M1AP: variants seen among roughly 807,000 people sequenced by gnomAD.
M1AP encodes meiosis 1 associated protein.
A neutral mutation model predicts 51.2 loss-of-function variants in M1AP; 39 were observed. That is an observed-to-expected ratio of 0.76 (90% CI 0.59 to 1.00). The LOEUF (loss-of-function observed/expected upper bound fraction) is 1.00. Ranked by LOEUF, M1AP falls within the 50% of genes least tolerant of loss-of-function variation. The probability of loss-of-function intolerance (pLI) is 0.00; values close to 1 mark genes in which losing one functional copy is unlikely to be tolerated. For missense variants in M1AP, 545 were observed against 641.2 expected (o/e 0.85, Z 1.62); for synonymous variants, 251 against 249.2 (o/e 1.01, Z -0.07).
At chr2:74,646,716 A>T (rs1416138313) in intron 1 of M1AP, among the ~76,000 whole-genome samples, 2 of 152,210 alleles carry the variant, frequency 1.3e-5, no homozygotes, top group Non-Finnish European at 2.9e-5. Flanking sequence ...TAATGTTTTA[A>T]GTTAGTGTAT....
At position 74,648,284 on chromosome 2, in the gene M1AP, GC is replaced by G. The variant is rs1683723171; in HGVS notation, c.-73del. The G allele has an allele frequency of 2.8e-5, 28 of 985,236 alleles. No individual in the cohort carries two copies. Among genetic ancestry groups the G allele is most frequent in the Non-Finnish European group, 3.3e-5 (27 of 829,854 alleles). 61.0% of individuals were successfully genotyped at this position (985,236 alleles called of 1,614,324 possible). On this transcript the variant is annotated 5_prime_UTR_variant, in exon 1 of 11. Transcript: ENST00000421985. The stretch of plus-strand genomic sequence containing the variant: ...CCGTACCTGTCTTCGGAAGACGGAG[GC>G]CCCCTCACCTGGTCCTCCCGGCTCT...
At position 74,634,937 on chromosome 2, in the gene M1AP, G is replaced by A. The variant is rs750089666; in HGVS notation, c.240+5099C>T. 6.6e-5 allele frequency among the ~76,000 whole-genome samples: 10 copies of A among 151,866 alleles called. No individual in the cohort carries two copies. In the South Asian group the frequency reaches 1.0e-3, roughly 16 times the overall value. Reference sequence around the variant, plus strand: ...GTCATCTATGTTCATGAGGGATATCGGTCTTCAGTTTTCTTTTTTTGTACC... The same window carrying A: ...GTCATCTATGTTCATGAGGGATATCAGTCTTCAGTTTTCTTTTTTTGTACC... On this transcript the variant is annotated intron_variant, in intron 2 of 10. Transcript: ENST00000421985.
intron 2 of M1AP, among the ~76,000 whole-genome samples, chr2:74,622,303 G>A (rs1365711877): frequency 2.6e-5 from 4 of 151,788 alleles, no homozygotes; most frequent in African/African-American, 7.2e-5. Context: ...GCAGTGGCAC[G>A]ATCTTGGCTC....
At position 74,648,275 on chromosome 2, in the gene M1AP, A is replaced by C; in HGVS notation, c.-63T>G. 1.0e-6 allele frequency: 1 copy of C among 985,290 alleles called. No individual in the cohort carries two copies. The allele number at this position is 985,290 out of a possible 1,614,324, so 61.0% of individuals were successfully genotyped here. Reference sequence around the variant, plus strand: ...CGTGGAGAACCGTACCTGTCTTCGGAAGACGGAGGCCCCCTCACCTGGTCC... The same window carrying C: ...CGTGGAGAACCGTACCTGTCTTCGGCAGACGGAGGCCCCCTCACCTGGTCC... On this transcript the variant is annotated 5_prime_UTR_variant, in exon 1 of 11. Coordinates refer to ENST00000421985, the MANE Select transcript of M1AP (RefSeq NM_001321739.2).
Position 74,626,106 on chromosome 2 carries a change from T to A in M1AP, c.241-10957A>T, listed in dbSNP as rs76231670. ...TGGGTTACAAATACACATTCTGCAA[T>A]TTGGTGTGAACCCCAGCCTCGGGAA... On this transcript the variant is annotated intron_variant, in intron 2 of 10. Transcript: ENST00000421985. Among the ~76,000 whole-genome samples the A allele has an allele frequency of 2.8e-3, 433 of 152,298 alleles. 1 individual carries two copies. Among genetic ancestry groups the A allele is most frequent in the African/African-American group, 9.7e-3 (404 of 41,548 alleles).
At chr2:74,624,051 C>A (rs13414389) in intron 2 of M1AP, among the ~76,000 whole-genome samples, 3,594 of 152,220 alleles carry the variant, frequency 0.024, 124 homozygotes, top group African/African-American at 0.072. Flanking sequence ...AAATTTAAGT[C>A]TTTTCTCTGT....
At chr2:74,570,218 TAAA>T (rs1296006782) in intron 7 of M1AP, among the ~76,000 whole-genome samples, 1 of 151,786 alleles carries the variant, frequency 6.6e-6, no homozygotes, top group African/African-American at 2.4e-5. Context: ...AGTCGGGAAA[TAAA>T]AAAAGCGTCA....
chr2:74,607,497 G>A (rs1021555352), intron 3 of M1AP, among the ~76,000 whole-genome samples: 14 of 151,846 alleles, frequency 9.2e-5, no homozygotes, highest in African/African-American at 2.2e-4. Flanking sequence ...TTTTTGAGAC[G>A]GAGTCTTGCT....
intron 1 of M1AP, among the ~76,000 whole-genome samples, chr2:74,640,857 C>T (rs1336408446): frequency 6.6e-6 from 1 of 152,204 alleles, no homozygotes; most frequent in African/African-American, 2.4e-5. Flanking sequence ...TCAAAAGTTA[C>T]ACCAAAAAAC....
chr2:74,573,781 C>T (rs568164482), intron 7 of M1AP, among the ~76,000 whole-genome samples: 88 of 152,096 alleles, frequency 5.8e-4, no homozygotes, highest in African/African-American at 2.1e-3. Flanking sequence ...TCTTCTTTGG[C>T]TACATTCCCA....
chr2:74,572,090 G>C (rs879327472), intron 7 of M1AP, among the ~76,000 whole-genome samples: 1 of 152,172 alleles, frequency 6.6e-6, no homozygotes, highest in Non-Finnish European at 1.5e-5. Flanking sequence ...GGACCAAACG[G>C]AGTAAAGAGA....
At chr2:74,560,069 G>C in intron 9 of M1AP, 82 bp downstream of exon 9, 1 of 1,481,492 alleles carries the variant, frequency 6.7e-7, no homozygotes, top group Non-Finnish European at 9.2e-7. Context: ...TGTTGGGATG[G>C]GGGAGGAGGG....
chr2:74,625,931 G>T lies in M1AP; in HGVS notation c.241-10782C>A, dbSNP rs749444159. 2.0e-5 allele frequency among the ~76,000 whole-genome samples: 3 copies of T among 152,298 alleles called. No homozygotes were observed. The East Asian group carries it at 5.8e-4, about 29-fold the overall frequency. ...ACTGCTCTTCCAACATGGAGAATAC[G>T]TATTCTGGGCATCCTGCCTACACTC... On this transcript the variant is annotated intron_variant, in intron 2 of 10. Coordinates refer to ENST00000421985, the MANE Select transcript of M1AP (RefSeq NM_001321739.2).
At chr2:74,647,103 C>T (rs1185920483) in intron 1 of M1AP, among the ~76,000 whole-genome samples, 1 of 152,182 alleles carries the variant, frequency 6.6e-6, no homozygotes, top group Non-Finnish European at 1.5e-5. Flanking sequence ...CCTTGAACCA[C>T]TCCAAACCAC....
chr2:74,645,175 A>G (rs536297655), intron 1 of M1AP, among the ~76,000 whole-genome samples: 7 of 152,212 alleles, frequency 4.6e-5, no homozygotes, highest in African/African-American at 1.7e-4. Flanking sequence ...CCGCCTTAAG[A>G]GCTGTAACAC....
intron 4 of M1AP, among the ~76,000 whole-genome samples, chr2:74,590,159 A>C (rs1444429990): frequency 6.6e-6 from 1 of 152,202 alleles, no homozygotes; most frequent in East Asian, 1.9e-4. Context: ...TATAAGCAAC[A>C]GAAATATATT....
intron 7 of M1AP, among the ~76,000 whole-genome samples, chr2:74,568,430 G>C (rs190697553): frequency 2.6e-5 from 4 of 152,324 alleles, no homozygotes; most frequent in Admixed American, 6.5e-5. Flanking sequence ...GGAGAGATGA[G>C]GGAATTATTG....
intron 2 of M1AP, among the ~76,000 whole-genome samples, chr2:74,626,257 GTTTTTTTT>G (rs1337799000): frequency 7.9e-6 from 1 of 125,932 alleles, no homozygotes; most frequent in South Asian, 2.5e-4. Context: ...CTATATTTCA[GTTTTTTTT>G]TTTTTTTTTT....
chr2:74,588,150 C>T (rs1028005754), intron 4 of M1AP, among the ~76,000 whole-genome samples: 4 of 152,142 alleles, frequency 2.6e-5, no homozygotes, highest in African/African-American at 4.8e-5. Flanking sequence ...TGTTCCTTTC[C>T]GAATGACATT....
Sources: gnomAD v4.1 joint callset for allele counts (sites outside exome capture counted in the v4.1 genomes callset) on GRCh38, gnomAD v4.1.1 for gene constraint, MANE v1.5 for transcripts, NCBI Gene and HGNC (gene_info 2026-07-23, HGNC 2026-07-21) for gene names.